Variants in STPG2 observed in about 807,000 individuals in gnomAD.
The protein encoded by STPG2 is sperm-tail PG-rich repeat-containing protein 2.
In STPG2, 56 loss-of-function variants were observed where a neutral mutation model predicts 54.2. That is an observed-to-expected ratio of 1.03 (90% CI 0.83 to 1.29). The LOEUF (loss-of-function observed/expected upper bound fraction) is 1.29. Among genes scored for constraint, STPG2 ranks in the 50% most tolerant of loss-of-function variants. The pLI, the probability that STPG2 is intolerant of heterozygous loss-of-function variation, is 0.00. For synonymous variants in STPG2, 200 were observed against 181.8 expected, an observed-to-expected ratio of 1.10 and a Z score of -0.81; for missense variants, 596 against 544.9, an observed-to-expected ratio of 1.09 and a Z score of -0.93.
chr4:98,049,121 C>CA (rs1578812516), intron 5 of STPG2: 2 of 151,836 alleles, frequency 1.3e-5, no homozygotes, highest in Admixed American at 6.6e-5. Context: ...AAAAGAAAAA[C>CA]AAAAAAACTT....
intron 8 of STPG2, among the ~76,000 whole-genome samples, chr4:97,864,760 C>A (rs1729698464): frequency 6.6e-6 from 1 of 152,038 alleles, no homozygotes; most frequent in South Asian, 2.1e-4. Context: ...ACCAATGGAA[C>A]AGAACAGAGC....
At chr4:97,710,632 T>C (rs1724084130) in intron 10 of STPG2, among the ~76,000 whole-genome samples, 1 of 152,068 alleles carries the variant, frequency 6.6e-6, no homozygotes, top group Non-Finnish European at 1.5e-5. Flanking sequence ...AGCAAATATG[T>C]TCTCAAGAGT....
intron 10 of STPG2, among the ~76,000 whole-genome samples, chr4:97,634,749 GATGAA>G (rs1370484715): frequency 6.6e-6 from 1 of 152,014 alleles, no homozygotes; most frequent in Non-Finnish European, 1.5e-5. Flanking sequence ...AGCAATGGAA[GATGAA>G]ATGAATGAAA....
chr4:97,879,691 C>A (rs1199742661), intron 8 of STPG2, among the ~76,000 whole-genome samples: 2 of 151,998 alleles, frequency 1.3e-5, no homozygotes, highest in Non-Finnish European at 2.9e-5. Flanking sequence ...CACATCACAG[C>A]CAATAGATAC....
At chr4:97,850,423 C>T (rs1043523748) in intron 8 of STPG2, among the ~76,000 whole-genome samples, 5 of 151,178 alleles carry the variant, frequency 3.3e-5, no homozygotes, top group African/African-American at 4.9e-5. Context: ...TAAATACCAA[C>T]GTATTATTTC....
In STPG2 at chr4:98,143,217, G is replaced by C; in HGVS notation, c.-67C>G. On this transcript the variant is annotated 5_prime_UTR_variant, in exon 1 of 11. Coordinates refer to ENST00000295268, the MANE Select transcript of STPG2 (RefSeq NM_174952.3). Reference sequence around the variant, plus strand: ...GAAAACGATAAAAACAAGGTAGCTAGAAGTGTGGAGAAAAAGGAAGCCGAC... The same window carrying C: ...GAAAACGATAAAAACAAGGTAGCTACAAGTGTGGAGAAAAAGGAAGCCGAC... 1 of 1,260,748 alleles carries C rather than the reference G, an allele frequency of 7.9e-7. No homozygotes were observed. Among genetic ancestry groups the C allele is most frequent in the Non-Finnish European group, 1.1e-6 (1 of 893,716 alleles). 78.1% of individuals were successfully genotyped at this position (1,260,748 alleles called of 1,614,324 possible).
At chr4:97,864,992 G>A (rs1352800304) in intron 8 of STPG2, among the ~76,000 whole-genome samples, 1 of 152,092 alleles carries the variant, frequency 6.6e-6, no homozygotes, top group East Asian at 1.9e-4. Flanking sequence ...AAAAACCCTA[G>A]AAGAAAACCT....
At chr4:98,128,622 T>C in intron 2 of STPG2, 30 bp from the exon 3 acceptor site, 1 of 1,508,312 alleles carries the variant, frequency 6.6e-7, no homozygotes, top group Non-Finnish European at 8.9e-7. Context: ...TATTATTTAT[T>C]CCAAGGCAAG....
At chr4:97,638,292 T>C (rs1316335638) in intron 10 of STPG2, among the ~76,000 whole-genome samples, 2 of 152,174 alleles carry the variant, frequency 1.3e-5, no homozygotes, top group African/African-American at 2.4e-5. Flanking sequence ...GCTAGCCATA[T>C]GTAGAAAGCT....
intron 10 of STPG2, among the ~76,000 whole-genome samples, chr4:97,621,555 ACAACCTAC>A (rs757217121): frequency 6.6e-6 from 1 of 152,150 alleles, no homozygotes; most frequent in Non-Finnish European, 1.5e-5. Context: ...CTGGACACAT[ACAACCTAC>A]CAAGACTAAA....
At chr4:97,670,442 C>T (rs1477993856) in intron 10 of STPG2, among the ~76,000 whole-genome samples, 2 of 152,098 alleles carry the variant, frequency 1.3e-5, no homozygotes, top group Non-Finnish European at 2.9e-5. Flanking sequence ...TTAAATAATC[C>T]ATTCAAATGA....
At chr4:97,764,012 G>C (rs1053049517) in intron 9 of STPG2, among the ~76,000 whole-genome samples, 1 of 151,512 alleles carries the variant, frequency 6.6e-6, no homozygotes, top group African/African-American at 2.4e-5. Flanking sequence ...TTAGCCACAT[G>C]TGCCTTTTTT....
chr4:98,032,156 G>A (rs954042721), intron 5 of STPG2, among the ~76,000 whole-genome samples: 6 of 152,166 alleles, frequency 3.9e-5, no homozygotes, highest in African/African-American at 9.7e-5. Context: ...ACACAGTGTG[G>A]AGATTCCTTA....
intron 2 of STPG2, among the ~76,000 whole-genome samples, chr4:98,131,631 C>T (rs1251983888): frequency 6.6e-6 from 1 of 152,082 alleles, no homozygotes; most frequent in African/African-American, 2.4e-5. Context: ...CCACTCTAAA[C>T]AAACAGTGAC....
At chr4:97,964,455 C>A (rs929006572) in intron 7 of STPG2, among the ~76,000 whole-genome samples, 2 of 152,088 alleles carry the variant, frequency 1.3e-5, no homozygotes, top group African/African-American at 4.8e-5. Context: ...AGAGAATTGT[C>A]TCTTAATGAT....
At chr4:97,708,062 T>C (rs1001680307) in intron 10 of STPG2, among the ~76,000 whole-genome samples, 1 of 152,124 alleles carries the variant, frequency 6.6e-6, no homozygotes, top group Non-Finnish European at 1.5e-5. Flanking sequence ...CTTAAATGTA[T>C]ACTCTAAGCT....
intron 4 of STPG2, among the ~76,000 whole-genome samples, chr4:97,459,440 G>GTTTTT (rs564314656): frequency 8.2e-6 from 1 of 122,490 alleles, no homozygotes. Flanking sequence ...GTTTTTTTTT[G>GTTTTT]TTTTTTTTTT....
intron 10 of STPG2, among the ~76,000 whole-genome samples, chr4:97,648,420 C>A (rs1399423662): frequency 1.3e-5 from 2 of 152,060 alleles, no homozygotes; most frequent in Non-Finnish European, 2.9e-5. Flanking sequence ...AATAAATGTA[C>A]CTATAGAAAG....
chr4:97,771,760 T>C (rs1458766339), intron 9 of STPG2, among the ~76,000 whole-genome samples: 2 of 152,116 alleles, frequency 1.3e-5, no homozygotes, highest in African/African-American at 4.8e-5. Flanking sequence ...AAAGAAGCCA[T>C]GGCATGGCAG....
Sources: allele counts gnomAD v4.1 joint callset (sites outside exome capture counted in the v4.1 genomes callset), GRCh38; gene constraint gnomAD v4.1.1; transcripts MANE v1.5; gene names NCBI Gene and HGNC (gene_info 2026-07-23, HGNC 2026-07-21).